CAT: variants seen among roughly 807,000 people sequenced by gnomAD.
CAT encodes the protein epididymis secretory sperm binding protein.
CAT carries 43 observed loss-of-function variants against 59.0 expected under a neutral mutation model. The observed-to-expected ratio is 0.73, with a 90% CI of 0.57 to 0.94. CAT has a LOEUF of 0.94. Ranked by LOEUF, CAT falls within the 40% of genes least tolerant of loss-of-function variation. The pLI is 0.00. For missense variants in CAT, 664 were observed against 682.9 expected (o/e 0.97, Z 0.31); for synonymous variants, 218 against 230.9 (o/e 0.94, Z 0.51).
intron 2 of CAT, 22 bp downstream of exon 2, chr11:34,449,385 T>G: frequency 6.2e-7 from 1 of 1,608,882 alleles, no homozygotes. Flanking sequence ...GTTTATTTGC[T>G]GTAAAAAGAT....
chr11:34,470,052 T>C (rs1175047096), intron 11 of CAT, among the ~76,000 whole-genome samples: 3 of 152,278 alleles, frequency 2.0e-5, no homozygotes, highest in Admixed American at 1.3e-4. Context: ...AATTCAATTC[T>C]AACAGTAGCT....
chr11:34,452,996 A>G, intron 4 of CAT, 94 bp from the exon 5 acceptor site: 1 of 783,900 alleles, frequency 1.3e-6, no homozygotes, highest in East Asian at 2.4e-5. Flanking sequence ...TAGAATTATA[A>G]TCCATAAACC....
chr11:34,455,561 G>A (rs1856578727), intron 6 of CAT, among the ~76,000 whole-genome samples: 1 of 151,872 alleles, frequency 6.6e-6, no homozygotes, highest in Non-Finnish European at 1.5e-5. Flanking sequence ...ATAGGACAGG[G>A]GTGAAGGGAT....
At chr11:34,445,884 CAA>C (rs1856448106) in intron 1 of CAT, among the ~76,000 whole-genome samples, 1 of 152,158 alleles carries the variant, frequency 6.6e-6, no homozygotes, top group African/African-American at 2.4e-5. Flanking sequence ...GACATCTCTG[CAA>C]AGTTACTTAA....
At chr11:34,448,606 A>G (rs909423172) in intron 1 of CAT, among the ~76,000 whole-genome samples, 1 of 152,184 alleles carries the variant, frequency 6.6e-6, no homozygotes, top group Non-Finnish European at 1.5e-5. Context: ...CATTAATACT[A>G]TAATCCACCT....
At chr11:34,468,617 G>T in intron 11 of CAT, 1 of 596,060 alleles carries the variant, frequency 1.7e-6, no homozygotes. Flanking sequence ...TGTCCAGTGT[G>T]TACTAATTTA....
At chr11:34,457,691 G>T (rs1296616797) in intron 8 of CAT, among the ~76,000 whole-genome samples, 2 of 152,194 alleles carry the variant, frequency 1.3e-5, no homozygotes, top group Non-Finnish European at 2.9e-5. Flanking sequence ...AGTACCAAGA[G>T]TGAAAAATTG....
At chr11:34,469,487 G>T (rs548252425) in intron 11 of CAT, among the ~76,000 whole-genome samples, 1 of 152,246 alleles carries the variant, frequency 6.6e-6, no homozygotes, top group African/African-American at 2.4e-5. Flanking sequence ...GTGTGGAGTT[G>T]TGCTGCATGT....
chr11:34,453,928 T>G lies in CAT; in HGVS notation c.711+2T>G. ...GTTTATTGCAAATTCCATTATAAGGTATGTGTTACCTTTGGGGCAGAGGGT... is the reference window on the plus strand; with the variant it reads ...GTTTATTGCAAATTCCATTATAAGGGATGTGTTACCTTTGGGGCAGAGGGT... On this transcript the variant is annotated splice_donor_variant, in intron 6 of 12. Transcript: ENST00000241052. LOFTEE classifies it high-confidence loss of function. 6.2e-7 allele frequency: 1 copy of G among 1,613,726 alleles called. No individual in the cohort carries two copies. Among genetic ancestry groups the G allele is most frequent in the South Asian group, 1.1e-5 (1 of 91,080 alleles).
rs774362693 is a variant in CAT at position 34,470,981 on chromosome 11, C to T, written c.1458C>T (p.His486=). The change falls in exon 12 of 13, where the codon CAC becomes CAT. Residue 486 remains histidine, a synonymous_variant. Transcript: ENST00000241052. ...AGGTCAAGAACTTCACTGAGGTCCACCCTGACTACGGGAGCCACATCCAGG... is the reference window on the plus strand; with the variant it reads ...AGGTCAAGAACTTCACTGAGGTCCATCCTGACTACGGGAGCCACATCCAGG... The part of the protein sequence containing the change: ...KKAVKNFTEV[H]PDYGSHIQAL... 6.8e-6 allele frequency: 11 copies of T among 1,614,020 alleles called. No homozygotes were observed. The highest frequency in any genetic ancestry group is 5.0e-5 in the Admixed American group (3 of 60,000).
intron 4 of CAT, among the ~76,000 whole-genome samples, chr11:34,452,539 G>A (rs1856536559): frequency 6.6e-6 from 1 of 152,080 alleles, no homozygotes. Context: ...AGGAGGGGGT[G>A]TGTGTGCGTG....
In CAT at chr11:34,439,201, A is replaced by G. The variant is rs1218798820; in HGVS notation, c.66+122A>G. 5.4e-6 allele frequency: 5 copies of G among 929,908 alleles called. No individual in the cohort carries two copies. In the East Asian group the frequency reaches 7.9e-5, roughly 15 times the overall value. The allele number at this position is 929,908 out of a possible 1,614,324, so 57.6% of individuals were successfully genotyped here. A position where few individuals can be genotyped will look rare whatever the true frequency, so the allele number is the denominator to read the frequency against. On this transcript the variant is annotated intron_variant, in intron 1 of 12. Coordinates refer to ENST00000241052, the MANE Select transcript of CAT (RefSeq NM_001752.4). The stretch of plus-strand genomic sequence containing the variant: ...GGGACTGTACCGCGGCTCACTGGGC[A>G]GGGGGGATCCCCTTCGGTGCAGACG...
At chr11:34,463,103 A>G (rs1479785275) in intron 9 of CAT, among the ~76,000 whole-genome samples, 1 of 152,190 alleles carries the variant, frequency 6.6e-6, no homozygotes, top group African/African-American at 2.4e-5. Context: ...TGAGCTGGCT[A>G]AAATTCCAAC....
At chr11:34,467,099 A>C (rs895100596) in intron 10 of CAT, among the ~76,000 whole-genome samples, 5 of 152,212 alleles carry the variant, frequency 3.3e-5, no homozygotes, top group African/African-American at 1.2e-4. Context: ...GATAATTGGA[A>C]AGAGGCTTTA....
chr11:34,467,169 T>C (rs567870824), intron 10 of CAT, among the ~76,000 whole-genome samples: 44 of 152,268 alleles, frequency 2.9e-4, no homozygotes, highest in African/African-American at 1.1e-3. Flanking sequence ...CAATAGGATA[T>C]GAGGAGAAAA....
At position 34,466,192 on chromosome 11, in the gene CAT, T is replaced by G. The variant is rs145526846; in HGVS notation, c.1326+1957T>G. On this transcript the variant is annotated intron_variant, in intron 10 of 12. Coordinates refer to ENST00000241052, the MANE Select transcript of CAT (RefSeq NM_001752.4). ...ACAATACAGGAAACATAACTTTGCC[T>G]CTGCTCAGTCTCAGATTGGATTAAG... Among the ~76,000 whole-genome samples, 61 of 152,352 alleles carry G rather than the reference T, an allele frequency of 4.0e-4. No homozygotes were observed. In the East Asian group the frequency reaches 0.01, roughly 25 times the overall value.
At chr11:34,461,945 C>T (rs1436472391) in intron 9 of CAT, among the ~76,000 whole-genome samples, 1 of 152,166 alleles carries the variant, frequency 6.6e-6, no homozygotes, top group African/African-American at 2.4e-5. Context: ...GATTCCCCTC[C>T]CTTCATTTTT....
At chr11:34,458,041 T>G (rs190771446) in intron 8 of CAT, among the ~76,000 whole-genome samples, 1 of 152,400 alleles carries the variant, frequency 6.6e-6, no homozygotes, top group African/African-American at 2.4e-5. Flanking sequence ...TGGTGGACTG[T>G]CTTGGGTGCC....
rs749134062 is a variant in CAT at position 34,453,830 on chromosome 11, T to G, written c.615T>G (p.Ile205Met). The change falls in exon 6 of 13, where the codon ATT (isoleucine) becomes ATG (methionine). Residue 205 changes from isoleucine to methionine, a missense_variant. Ile to Met is a conservative substitution (Grantham distance 10). Transcript: ENST00000241052. Reference sequence around the variant, plus strand: ...CTTTCTTGTTCAGTGATCGGGGGATTCCAGATGGACATCGCCACATGAATG... The same window carrying G: ...CTTTCTTGTTCAGTGATCGGGGGATGCCAGATGGACATCGCCACATGAATG... ...QVSFLFSDRG[I>M]PDGHRHMNGY... 1 of 1,613,674 alleles carries G rather than the reference T, an allele frequency of 6.2e-7. No homozygotes were observed. The highest frequency in any genetic ancestry group is 1.1e-5 in the South Asian group (1 of 91,082).
Sources: allele counts gnomAD v4.1 joint callset (sites outside exome capture counted in the v4.1 genomes callset), GRCh38; gene constraint gnomAD v4.1.1; transcripts MANE v1.5; gene names NCBI Gene and HGNC (gene_info 2026-07-23, HGNC 2026-07-21).